AKAP7: variants seen among roughly 807,000 people sequenced by gnomAD.
AKAP7 encodes A-kinase anchoring protein 7.
Under a neutral mutation model 39.5 loss-of-function variants are expected in AKAP7, and 39 were observed. That is an observed-to-expected ratio of 0.99 (90% CI 0.76 to 1.29). The LOEUF (loss-of-function observed/expected upper bound fraction) is 1.29. AKAP7 is among the 50% of genes most tolerant of loss of function. The pLI is 0.00. For synonymous variants in AKAP7, 140 were observed against 139.1 expected, an observed-to-expected ratio of 1.01 and a Z score of -0.05; for missense variants, 414 against 407.7, an observed-to-expected ratio of 1.02 and a Z score of -0.13.
chr6:131,261,960 T>C (rs765942385), intron 7 of AKAP7, among the ~76,000 whole-genome samples: 2 of 152,156 alleles, frequency 1.3e-5, no homozygotes, highest in Admixed American at 6.5e-5. Context: ...TAGGCTGGGT[T>C]ACTTGTGGGA....
At chr6:131,222,299 G>T (rs1374027313) in intron 7 of AKAP7, among the ~76,000 whole-genome samples, 1 of 152,184 alleles carries the variant, frequency 6.6e-6, no homozygotes, top group African/African-American at 2.4e-5. Flanking sequence ...GCCAAGGCGG[G>T]CGGATCATAA....
chr6:131,234,373 T>C (rs777448045), intron 7 of AKAP7, among the ~76,000 whole-genome samples: 6 of 152,272 alleles, frequency 3.9e-5, no homozygotes, highest in Middle Eastern at 3.4e-3. Flanking sequence ...GTAATGAAGT[T>C]AATGGGAACC....
chr6:131,208,252 GA>G (rs1178037993), intron 6 of AKAP7, among the ~76,000 whole-genome samples: 3 of 151,468 alleles, frequency 2.0e-5, no homozygotes, highest in Admixed American at 6.6e-5. Context: ...TCTGTATATT[GA>G]AAAAAAACAA....
At chr6:131,126,828 C>T in the AKAP7 span, among the ~76,000 whole-genome samples, 10 of 152,130 alleles carry the variant, frequency 6.6e-5, no homozygotes, top group South Asian at 1.5e-3. Flanking sequence ...AAAGAGAAAT[C>T]GGAGTAATTT....
At chr6:131,260,659 T>A (rs1238244432) in intron 7 of AKAP7, among the ~76,000 whole-genome samples, 2 of 152,204 alleles carry the variant, frequency 1.3e-5, no homozygotes, top group African/African-American at 4.8e-5. Flanking sequence ...GGTTTGTTTT[T>A]TTCTTGTAAA....
upstream of AKAP7, among the ~76,000 whole-genome samples, chr6:131,135,148 A>G (rs1800427289): frequency 6.6e-6 from 1 of 152,216 alleles, no homozygotes; most frequent in Admixed American, 6.5e-5. Flanking sequence ...TGCAATCAGA[A>G]CCCTGATTGC....
At chr6:131,234,167 C>G (rs1585142551) in intron 7 of AKAP7, among the ~76,000 whole-genome samples, 1 of 152,142 alleles carries the variant, frequency 6.6e-6, no homozygotes, top group African/African-American at 2.4e-5. Context: ...TTTAAAACTT[C>G]TTCAGTTCAA....
At chr6:131,177,461 A>G (rs1390277042) in intron 5 of AKAP7, among the ~76,000 whole-genome samples, 1 of 152,300 alleles carries the variant, frequency 6.6e-6, no homozygotes, top group Middle Eastern at 3.4e-3. Flanking sequence ...ATTCACTTTT[A>G]TGAGAGCGTA....
At chr6:131,226,106 T>C (rs1810137312) in intron 7 of AKAP7, among the ~76,000 whole-genome samples, 1 of 152,244 alleles carries the variant, frequency 6.6e-6, no homozygotes, top group South Asian at 2.1e-4. Flanking sequence ...TAATAGGCAT[T>C]GTGACCTTGA....
chr6:131,202,568 C>T lies in AKAP7; in HGVS notation c.702+2995C>T, dbSNP rs182058750. Among the ~76,000 whole-genome samples the T allele has an allele frequency of 1.9e-4, 27 of 138,808 alleles. No individual in the cohort carries two copies. In the East Asian group the frequency reaches 4.3e-3, roughly 22 times the overall value. The allele number at this position is 138,808 out of a possible 152,430, so 91.1% of individuals were successfully genotyped here. On this transcript the variant is annotated intron_variant, in intron 6 of 7. Transcript: ENST00000431975. ...AGGTGGGAATTGAACAATGAGAACA[C>T]GTGGACACAGGAAGGGGAACATCAC...
intron 2 of AKAP7, among the ~76,000 whole-genome samples, chr6:131,155,098 C>T (rs777028715): frequency 5.3e-5 from 8 of 152,046 alleles, no homozygotes; most frequent in East Asian, 1.9e-4. Flanking sequence ...CATAGCTCAC[C>T]GTAACCTCGA....
chr6:131,224,051 C>T (rs1809939132), intron 7 of AKAP7, among the ~76,000 whole-genome samples: 2 of 152,152 alleles, frequency 1.3e-5, no homozygotes, highest in South Asian at 4.1e-4. Context: ...AATCTTGTAT[C>T]CCCAAGCCAA....
chr6:131,264,365 T>C (rs1269897573), intron 7 of AKAP7, among the ~76,000 whole-genome samples: 1 of 152,208 alleles, frequency 6.6e-6, no homozygotes, highest in Non-Finnish European at 1.5e-5. Flanking sequence ...GCTGGAAGCC[T>C]TTTGCAAGCA....
chr6:131,165,484 T>C (rs1803388548), intron 4 of AKAP7, among the ~76,000 whole-genome samples: 1 of 152,142 alleles, frequency 6.6e-6, no homozygotes, highest in South Asian at 2.1e-4. Context: ...GACTTGACCA[T>C]TTAGCTTAAA....
chr6:131,183,975 A>G (rs1805558846), intron 5 of AKAP7, among the ~76,000 whole-genome samples: 1 of 152,146 alleles, frequency 6.6e-6, no homozygotes, highest in African/African-American at 2.4e-5. Flanking sequence ...CAGAGAGAGA[A>G]GTGAGCTGCT....
intron 6 of AKAP7, among the ~76,000 whole-genome samples, chr6:131,203,206 G>A (rs565626396): frequency 6.6e-6 from 1 of 152,104 alleles, no homozygotes; most frequent in African/African-American, 2.4e-5. Flanking sequence ...TTCGTGGTTT[G>A]GTATGTAGAT....
In AKAP7 at chr6:131,145,429, T is replaced by C; in HGVS notation, c.151+13T>C. 1 of 1,433,504 alleles carries C rather than the reference T, an allele frequency of 7.0e-7. No homozygotes were observed. The highest frequency in any genetic ancestry group is 1.4e-5 in the African/African-American group (1 of 69,582). 88.8% of individuals were successfully genotyped at this position (1,433,504 alleles called of 1,614,324 possible). A position where few individuals can be genotyped will look rare whatever the true frequency, so the allele number is the denominator to read the frequency against. On this transcript the variant is annotated intron_variant, in intron 2 of 7. Transcript: ENST00000431975. ...GATGACTGTGGAAGTAAGTACTTTATTAAGTAAACGCGTATTTAGAAGCAA... is the reference window on the plus strand; with the variant it reads ...GATGACTGTGGAAGTAAGTACTTTACTAAGTAAACGCGTATTTAGAAGCAA...
At chr6:131,279,121 A>G (rs536901371) in intron 7 of AKAP7, among the ~76,000 whole-genome samples, 1 of 152,350 alleles carries the variant, frequency 6.6e-6, no homozygotes, top group South Asian at 2.1e-4. Flanking sequence ...GGGAGAAATC[A>G]TGAAGCACAA....
At chr6:131,154,728 A>G (rs1403959553) in intron 2 of AKAP7, among the ~76,000 whole-genome samples, 1 of 152,148 alleles carries the variant, frequency 6.6e-6, no homozygotes, top group Admixed American at 6.5e-5. Context: ...ATAGCAAGAC[A>G]ATCTCTGATT....
Sources: gnomAD v4.1 joint callset for allele counts (sites outside exome capture counted in the v4.1 genomes callset) on GRCh38, gnomAD v4.1.1 for gene constraint, MANE v1.5 for transcripts, NCBI Gene and HGNC (gene_info 2026-07-23, HGNC 2026-07-21) for gene names.